USP34: variants seen among roughly 807,000 people sequenced by gnomAD.
USP34 encodes ubiquitin carboxyl-terminal hydrolase 34.
Under a neutral mutation model 460.3 loss-of-function variants are expected in USP34, and 70 were observed. The ratio of observed to expected loss-of-function variants is 0.15; its 90% CI spans 0.13 to 0.19. The LOEUF is 0.19. Among genes scored for constraint, USP34 ranks in the 10% least tolerant of loss-of-function variants. USP34 has a pLI of 1.00. For synonymous variants in USP34, 1,647 were observed against 1,405.3 expected (o/e 1.17, Z -3.85); for missense variants, 3,985 against 4,236.2 (o/e 0.94, Z 1.65).
chr2:61,206,900 G>GA lies in USP34; in HGVS notation c.8920-15dup, dbSNP rs551551667. On this transcript the variant is annotated splice_polypyrimidine_tract_variant and intron_variant, in intron 70 of 79. Transcript: ENST00000398571. ...AGTGTTGAAAGACTACAAATGATTT[G>GA]AAAAAATTGAAAACTTAATTTCATT... 5.9e-5 allele frequency: 95 copies of GA among 1,604,908 alleles called. 1 individual carries two copies. In the South Asian group the frequency reaches 9.7e-4, roughly 16 times the overall value.
Position 61,241,622 on chromosome 2 carries a change from T to C in USP34, c.6715A>G (p.Met2239Val), listed in dbSNP as rs776426889. The C allele has an allele frequency of 4.3e-6, 7 of 1,609,982 alleles. No individual in the cohort carries two copies. The highest frequency in any genetic ancestry group is 2.7e-5 in the African/African-American group (2 of 74,682). The change falls in exon 53 of 80, where the codon ATG (methionine) becomes GTG (valine). Residue 2239 changes from methionine (M) to valine (V), a missense_variant. This residue lies in a region of USP34 where 604 missense variants were observed against 684.8 expected (regional missense o/e 0.88). Coordinates refer to ENST00000398571, the MANE Select transcript of USP34 (RefSeq NM_014709.4). The stretch of plus-strand genomic sequence containing the variant: ...CTGCCATTTTCTTCCTCTGGTTCCA[T>C]GCGTTTGTAAAACAGCATATATGCA... ...HSAYMLFYKR[M>V]EPEEENGREY...
At chr2:61,285,669 C>T (rs1442220040) in intron 34 of USP34, among the ~76,000 whole-genome samples, 1 of 151,920 alleles carries the variant, frequency 6.6e-6, no homozygotes, top group African/African-American at 2.4e-5. Context: ...AATAATTAAA[C>T]ATGTTTTTAC....
intron 29 of USP34, among the ~76,000 whole-genome samples, chr2:61,300,561 G>T (rs1234683670): frequency 6.6e-6 from 1 of 150,982 alleles, no homozygotes; most frequent in African/African-American, 2.4e-5. Context: ...ACTTTGGGAG[G>T]CTGACATGGG....
At chr2:61,262,432 G>A (rs1223275581) in intron 43 of USP34, among the ~76,000 whole-genome samples, 1 of 152,068 alleles carries the variant, frequency 6.6e-6, no homozygotes, top group African/African-American at 2.4e-5. Context: ...GAGAACATAT[G>A]GTATTTGGTT....
intron 5 of USP34, among the ~76,000 whole-genome samples, chr2:61,393,849 C>G (rs999076745): frequency 6.6e-6 from 1 of 152,214 alleles, no homozygotes; most frequent in East Asian, 1.9e-4. Flanking sequence ...AAGTATCTTT[C>G]TTTCCGGGCC....
chr2:61,192,429 G>C (rs1572822150), intron 76 of USP34, among the ~76,000 whole-genome samples: 1 of 152,174 alleles, frequency 6.6e-6, no homozygotes, highest in South Asian at 2.1e-4. Flanking sequence ...TGTTTTCAAG[G>C]AGATCGCTGT....
chr2:61,316,604 G>T (rs1187380439), intron 23 of USP34, among the ~76,000 whole-genome samples: 1 of 147,708 alleles, frequency 6.8e-6, no homozygotes, highest in East Asian at 2.0e-4. Context: ...AATCATAATG[G>T]CCTGGTGCAG....
At chr2:61,391,471 C>T (rs879400738) in intron 5 of USP34, among the ~76,000 whole-genome samples, 2 of 152,038 alleles carry the variant, frequency 1.3e-5, no homozygotes, top group African/African-American at 2.4e-5. Flanking sequence ...AACGTTAGTC[C>T]GTATCTTTCC....
chr2:61,257,994 T>A (rs1483196863), intron 44 of USP34, among the ~76,000 whole-genome samples: 1 of 152,240 alleles, frequency 6.6e-6, no homozygotes, highest in Admixed American at 6.5e-5. Context: ...TAATAGCTTT[T>A]AAAATAGTCA....
chr2:61,279,584 C>G (rs1159802932), intron 39 of USP34, among the ~76,000 whole-genome samples: 2 of 152,076 alleles, frequency 1.3e-5, no homozygotes, highest in African/African-American at 4.8e-5. Flanking sequence ...TCTGCCTCAG[C>G]CCTCCTGAGT....
intron 1 of USP34, among the ~76,000 whole-genome samples, chr2:61,448,009 C>T (rs1695168445): frequency 6.6e-6 from 1 of 152,208 alleles, no homozygotes; most frequent in Non-Finnish European, 1.5e-5. Flanking sequence ...AGCCAAGGAT[C>T]TGTGAAATTT....
intron 22 of USP34, among the ~76,000 whole-genome samples, chr2:61,318,635 ATG>A (rs2103692505): frequency 6.6e-6 from 1 of 152,348 alleles, no homozygotes; most frequent in South Asian, 2.1e-4. Context: ...ATTCAGAAAA[ATG>A]TCACCTGAAC....
intron 25 of USP34, among the ~76,000 whole-genome samples, chr2:61,314,303 C>T (rs1207029871): frequency 1.3e-5 from 2 of 152,058 alleles, no homozygotes; most frequent in African/African-American, 4.8e-5. Context: ...AATACTTTAT[C>T]TTAGAGATGG....
intron 8 of USP34, among the ~76,000 whole-genome samples, chr2:61,376,813 T>G (rs993281770): frequency 1.3e-5 from 2 of 152,128 alleles, no homozygotes; most frequent in African/African-American, 4.8e-5. Context: ...ACACCTAATT[T>G]TTGTATTTAC....
intron 10 of USP34, among the ~76,000 whole-genome samples, chr2:61,353,076 A>G (rs938211939): frequency 2.0e-5 from 3 of 152,174 alleles, no homozygotes; most frequent in African/African-American, 7.2e-5. Context: ...CACACTCCCA[A>G]CCTGCCCATG....
chr2:61,359,226 T>C lies in USP34; in HGVS notation c.1252-8533A>G, dbSNP rs2103807882. ...CAGTAGTAATTAAATAGTATGGTAC[T>C]GACATAAGGACACACATGTAGGCCA... On this transcript the variant is annotated intron_variant, in intron 10 of 79. Transcript: ENST00000398571. Among the ~76,000 whole-genome samples the C allele has an allele frequency of 2.6e-5, 4 of 152,282 alleles. No homozygotes were observed. The South Asian group carries it at 8.3e-4, about 32-fold the overall frequency.
At chr2:61,431,542 T>C (rs1219099072) in intron 1 of USP34, among the ~76,000 whole-genome samples, 2 of 152,150 alleles carry the variant, frequency 1.3e-5, no homozygotes. Flanking sequence ...ATTACTATAG[T>C]TAATAATCTG....
Position 61,220,353 on chromosome 2 carries a change from G to A in USP34, c.8004C>T (p.Val2668=), listed in dbSNP as rs752483834. The change falls in exon 67 of 80, where the codon GTC becomes GTT. Residue 2668 remains valine, a synonymous_variant. Coordinates refer to ENST00000398571, the MANE Select transcript of USP34 (RefSeq NM_014709.4). ...SWVLQNMENW[V]ERFLLAHNYP... is the part of the protein sequence containing the mutation. Reference sequence around the variant, plus strand: ...AATTGTGAGCCAAAAGAAACCGCTCGACCCAGTTTTCCATATTCTGTAAGA... The same window carrying A: ...AATTGTGAGCCAAAAGAAACCGCTCAACCCAGTTTTCCATATTCTGTAAGA... 1.9e-5 allele frequency: 30 copies of A among 1,613,644 alleles called. No homozygotes were observed. The African/African-American group carries it at 2.1e-4, about 11-fold the overall frequency.
chr2:61,420,896 T>TCAAA (rs1349944057), intron 1 of USP34, 63 bp from the exon 2 acceptor site: 2 of 1,229,840 alleles, frequency 1.6e-6, no homozygotes, highest in Non-Finnish European at 2.3e-6. Context: ...AGCCAACAGT[T>TCAAA]CAAAATAAAG....
Sources: allele counts gnomAD v4.1 joint callset (sites outside exome capture counted in the v4.1 genomes callset), GRCh38; gene constraint gnomAD v4.1.1; regional missense constraint gnomAD v4.1.1; transcripts MANE v1.5; gene names NCBI Gene and HGNC (gene_info 2026-07-23, HGNC 2026-07-21).